The following EVPL variants were observed in gnomAD, a reference collection of about 807,000 sequenced individuals.
The protein encoded by EVPL is 210 kDa cornified envelope precursor protein.
Under a neutral mutation model 129.7 loss-of-function variants are expected in EVPL, and 94 were observed. The observed-to-expected ratio is 0.72, with a 90% confidence interval of 0.61 to 0.86. The LOEUF (loss-of-function observed/expected upper bound fraction) is 0.86. Among genes scored for constraint, EVPL ranks in the 40% least tolerant of loss-of-function variants. The pLI is 0.00. For synonymous variants in EVPL, 1,172 were observed against 1,191.1 expected, an observed-to-expected ratio of 0.98 and a Z score of 0.33; for missense variants, 2,625 against 2,721.1, an observed-to-expected ratio of 0.96 and a Z score of 0.79.
At position 76,010,050 on chromosome 17, in the gene EVPL, CG is replaced by C; in HGVS notation, c.3154del (p.Arg1052GlyfsTer5). 1 of 1,613,014 alleles carries C rather than the reference CG, an allele frequency of 6.2e-7. No individual in the cohort carries two copies. The highest frequency in any genetic ancestry group is 8.5e-7 in the Non-Finnish European group (1 of 1,180,028). ...LRGEDAVISA[R>X]LEGLKKELLA... ...TAGCTCCTTCTTCAGCCCTTCCAGC[CG>C]GGCCGAGATGACGGCATCCTCCCCG... On this transcript the variant is annotated frameshift_variant, in exon 22 of 22. Coordinates refer to ENST00000301607, the MANE Select transcript of EVPL (RefSeq NM_001988.4). LOFTEE classifies it low-confidence loss of function (END_TRUNC).
chr17:76,012,178 G>T, intron 18 of EVPL, 89 bp from the exon 19 acceptor site: 1 of 963,096 alleles, frequency 1.0e-6, no homozygotes, highest in Non-Finnish European at 1.6e-6. Context: ...CCACAGTCAG[G>T]CAGAGCTGCC....
Position 76,021,668 on chromosome 17 carries a change from G to A in EVPL, c.915+6C>T. On this transcript the variant is annotated splice_donor_region_variant and intron_variant, in intron 8 of 21. Transcript: ENST00000301607. ...CCCTTCTCACTCTCGCCCTGCCCCA[G>A]CGCACCTGGATGGGCCCCACCGCGG... 7.5e-7 allele frequency: 1 copy of A among 1,337,636 alleles called. No individual in the cohort carries two copies. The highest frequency in any genetic ancestry group is 9.8e-7 in the Non-Finnish European group (1 of 1,016,806). The allele number at this position is 1,337,636 out of a possible 1,614,324, so 82.9% of individuals were successfully genotyped here.
At position 76,008,056 on chromosome 17, in the gene EVPL, G is replaced by A; in HGVS notation, c.5149C>T (p.Gln1717Ter). The A allele has an allele frequency of 1.2e-6, 2 of 1,614,200 alleles. No individual in the cohort carries two copies. Among genetic ancestry groups the A allele is most frequent in the Non-Finnish European group, 1.7e-6 (2 of 1,180,038 alleles). Residue 1717 changes from glutamine to a stop codon, truncating the protein, a stop_gained, in exon 22 of 22, where the codon CAG becomes TAG. Coordinates refer to ENST00000301607, the MANE Select transcript of EVPL (RefSeq NM_001988.4). LOFTEE classifies it high-confidence loss of function. This position sits in a 1 kb window ranked among gnomAD's most constrained non-coding sequence, Gnocchi z 7.4. ...TCCTCCCAGTCACACTCGAGCTCCT[G>A]CAGCTGCAAGTACTGGCCCCTGTCG... ...IIDRGQYLQL[Q>*]ELECDWEEVT...
chr17:76,014,720 C>A, intron 17 of EVPL, 144 bp from the exon 18 acceptor site: 2 of 1,250,896 alleles, frequency 1.6e-6, no homozygotes, highest in Non-Finnish European at 2.2e-6. Flanking sequence ...CACTCCCTGA[C>A]CCTGGGAATT....
Position 76,008,789 on chromosome 17 carries a change from C to G in EVPL, c.4416G>C (p.Pro1472=), listed in dbSNP as rs199961325. 19 of 1,614,142 alleles carry G rather than the reference C, an allele frequency of 1.2e-5. No homozygotes were observed. The highest frequency in any genetic ancestry group is 5.1e-6 in the Non-Finnish European group (6 of 1,180,028). ...GGGCTTCCGTGGACTTCTCCAGGTC[C>G]GGGTCCTTCTCCAGCTTGACCACTT... ...MEEVVKLEKD[P]DLEKSTEALR... The change falls in exon 22 of 22, where the codon CCG becomes CCC. Residue 1472 remains proline (P), a synonymous_variant. Transcript: ENST00000301607. The surrounding 1 kb of genome is among the most constrained non-coding windows in gnomAD (Gnocchi z 7.4).
At chr17:76,012,827 C>T (rs1334481131) in intron 18 of EVPL, among the ~76,000 whole-genome samples, 2 of 151,186 alleles carry the variant, frequency 1.3e-5, no homozygotes, top group African/African-American at 4.9e-5. Flanking sequence ...TCACTGCAAG[C>T]TCCGCCTCCT....
rs775898685 is a variant in EVPL, at chr17:76,007,745, G to A, written c.5460C>T (p.Leu1820=). The change falls in exon 22 of 22, where the codon CTC becomes CTT. Residue 1820 remains leucine, a synonymous_variant. Transcript: ENST00000301607. The surrounding 1 kb of genome is among the most constrained non-coding windows in gnomAD (Gnocchi z 8.8). ...CGGCGATAGGGAAGCTGTCATCACC[G>A]AGCCCGAGAGAGAAGCTGGGAGAGA... ...SFFSPSFSLG[L]GDDSFPIAGI... The A allele has an allele frequency of 3.5e-5, 56 of 1,612,826 alleles. No homozygotes were observed. Among genetic ancestry groups the A allele is most frequent in the East Asian group, 1.3e-4 (6 of 44,870 alleles).
At chr17:76,017,214 A>G (rs909189782) in intron 14 of EVPL, among the ~76,000 whole-genome samples, 3 of 152,206 alleles carry the variant, frequency 2.0e-5, no homozygotes, top group African/African-American at 7.2e-5. Context: ...CTTTGTCTCA[A>G]GAAAAGAAAA....
rs1252456028 is a variant in EVPL, at chr17:76,007,564, T to C, written c.5641A>G (p.Lys1881Glu). The change falls in exon 22 of 22, where the codon AAG becomes GAG. Residue 1881 changes from lysine to glutamate, a missense_variant. By Grantham distance (56) the Lys-to-Glu change is moderately conservative (BLOSUM62 1). Around this residue, in one of 4 missense-constraint regions of EVPL, gnomAD observed 1,453 missense variants for 1,511.8 expected, o/e 0.96. Coordinates refer to ENST00000301607, the MANE Select transcript of EVPL (RefSeq NM_001988.4). The surrounding 1 kb of genome is among the most constrained non-coding windows in gnomAD (Gnocchi z 8.8). ...LLSRERYSVHKAMERGLIENT... is the reference protein window; with the variant it reads ...LLSRERYSVHEAMERGLIENT... ...TCGATCAGGCCCCTCTCCATCGCCTTGTGCACAGAGTAGCGCTCACGGCTG... is the reference window on the plus strand; with the variant it reads ...TCGATCAGGCCCCTCTCCATCGCCTCGTGCACAGAGTAGCGCTCACGGCTG... 2 of 1,614,018 alleles carry C rather than the reference T, an allele frequency of 1.2e-6. No individual in the cohort carries two copies. Among genetic ancestry groups the C allele is most frequent in the Non-Finnish European group, 1.7e-6 (2 of 1,180,038 alleles).
rs777125066 is a variant in EVPL at position 76,022,490 on chromosome 17, G to A, written c.529C>T (p.Gln177Ter). 6.2e-6 allele frequency: 10 copies of A among 1,612,448 alleles called. No individual in the cohort carries two copies. The highest frequency in any genetic ancestry group is 8.5e-6 in the Non-Finnish European group (10 of 1,179,592). Reference sequence around the variant, plus strand: ...AGGATGTTGTGCTCGGCGATCTGTTGCTCCAGCTCCGCCATGCCCGGCCCG... The same window carrying A: ...AGGATGTTGTGCTCGGCGATCTGTTACTCCAGCTCCGCCATGCCCGGCCCG... ...QYGPGMAELE[Q>*]QIAEHNILQK... is the part of the protein sequence containing the mutation. The change falls in exon 5 of 22, where the codon CAA (glutamine) becomes TAA (stop). Residue 177 changes from glutamine to a stop codon, truncating the protein, a stop_gained. Transcript: ENST00000301607. LOFTEE classifies it high-confidence loss of function. This position sits in a 1 kb window ranked among gnomAD's most constrained non-coding sequence, Gnocchi z 5.6.
At chr17:76,017,939 C>T (rs1208588384) in intron 13 of EVPL, 28 bp from the exon 14 acceptor site, 1 of 1,611,656 alleles carries the variant, frequency 6.2e-7, no homozygotes, top group Non-Finnish European at 8.5e-7. Flanking sequence ...GGTGAGGGCC[C>T]AGGGCCTATC....
In EVPL at chr17:76,014,385, G is replaced by T. The variant is rs1379304419; in HGVS notation, c.2373+41C>A. 4.4e-6 allele frequency: 7 copies of T among 1,583,354 alleles called. 1 individual carries two copies. The highest frequency in any genetic ancestry group is 5.1e-6 in the Non-Finnish European group (6 of 1,167,216). On this transcript the variant is annotated intron_variant, in intron 18 of 21. Transcript: ENST00000301607. ...CGCTTCTGAGCTTTGGCCACTAGGG[G>T]GCCACATGGGCACAGGCAGCTGTCC...
rs748474936 is a variant in EVPL, at chr17:76,015,458, G to A, written c.1881C>T (p.Tyr627=). The change falls in exon 15 of 22, where the codon TAC becomes TAT. Residue 627 remains tyrosine (Y), a synonymous_variant. Coordinates refer to ENST00000301607, the MANE Select transcript of EVPL (RefSeq NM_001988.4). ...GTCCCCAGAGCACTCACTTCTCCCC[G>A]TAGAGGCTGCACAGAACCTGCACGT... The part of the protein sequence containing the change: ...FSDVQVLCSL[Y]GEKAKAALDL... 4.4e-5 allele frequency: 71 copies of A among 1,612,658 alleles called. 1 individual carries two copies. The Admixed American group carries it at 6.8e-4, about 16-fold the overall frequency.
rs2066392533 is a variant in EVPL, at chr17:76,013,243, C to G, written c.2374-1154G>C. 6.6e-6 allele frequency among the ~76,000 whole-genome samples: 1 copy of G among 152,160 alleles called. No individual in the cohort carries two copies. Among genetic ancestry groups the G allele is most frequent in the Non-Finnish European group, 1.5e-5 (1 of 68,024 alleles). On this transcript the variant is annotated intron_variant, in intron 18 of 21. Transcript: ENST00000301607. This position sits in a 1 kb window ranked among gnomAD's most constrained non-coding sequence, Gnocchi z 4.3. ...GGCCTGGGGATGTTTTAAAAGCTCT[C>G]TGGGAGATTCTAGTTTGCAGCCAGG... is the stretch of plus-strand genomic sequence containing the variant.
In EVPL at chr17:76,014,942, G is replaced by A. The variant is rs768216640; in HGVS notation, c.2196C>T (p.His732=). The A allele has an allele frequency of 2.5e-6, 4 of 1,592,470 alleles. No homozygotes were observed. The highest frequency in any genetic ancestry group is 1.1e-5 in the South Asian group (1 of 90,696). ...RQVRALTDRY[H]AVGDQLDLRE... is the part of the protein sequence containing the mutation. ...GCAGGTCCAGCTGGTCCCCTACGGC[G>A]TGGTAGCGGTCGGTGAGGGCTCGCA... Residue 732 remains histidine, a synonymous_variant, in exon 17 of 22, where the codon CAC becomes CAT. Transcript: ENST00000301607.
chr17:76,015,769 G>C, intron 14 of EVPL, 141 bp from the exon 15 acceptor site: 1 of 826,114 alleles, frequency 1.2e-6, no homozygotes, highest in Non-Finnish European at 1.8e-6. Context: ...ACTGCGTTCA[G>C]TCCTGGCGCT....
At chr17:76,016,906 A>AC (rs1433817030) in intron 14 of EVPL, among the ~76,000 whole-genome samples, 4 of 151,522 alleles carry the variant, frequency 2.6e-5, no homozygotes, top group African/African-American at 9.7e-5. Flanking sequence ...ACAAAGTGAG[A>AC]CCCCATCTCA....
In EVPL at chr17:76,022,725, C is replaced by T. The variant is rs959080898; in HGVS notation, c.481-187G>A. Among the ~76,000 whole-genome samples, 2 of 152,168 alleles carry T rather than the reference C, an allele frequency of 1.3e-5. No individual in the cohort carries two copies. Among genetic ancestry groups the T allele is most frequent in the Admixed American group, 6.5e-5 (1 of 15,286 alleles). Reference sequence around the variant, plus strand: ...GCCATTCTGCAGTGGCCCCTGAGTCCCACTGGTTCCCAGACGCTGGGCTCA... The same window carrying T: ...GCCATTCTGCAGTGGCCCCTGAGTCTCACTGGTTCCCAGACGCTGGGCTCA... On this transcript the variant is annotated intron_variant, in intron 4 of 21. Transcript: ENST00000301607. The surrounding 1 kb of genome is among the most constrained non-coding windows in gnomAD (Gnocchi z 5.6).
intron 1 of EVPL, among the ~76,000 whole-genome samples, chr17:76,025,257 C>T (rs1029410840): frequency 2.6e-5 from 4 of 152,210 alleles, no homozygotes; most frequent in African/African-American, 9.6e-5. Flanking sequence ...GGTGCAGGGT[C>T]GGCACCCAGC....
Sources: gnomAD v4.1 joint callset for allele counts (sites outside exome capture counted in the v4.1 genomes callset) on GRCh38, gnomAD v4.1.1 for gene constraint, gnomAD v4.1.1 regional missense constraint, Gnocchi (gnomAD v3.1) non-coding constraint, MANE v1.5 for transcripts, NCBI Gene and HGNC (gene_info 2026-07-23, HGNC 2026-07-21) for gene names.